The following ROBO1 variants were observed in gnomAD, a reference collection of about 807,000 sequenced individuals.
The protein encoded by ROBO1 is roundabout guidance receptor 1, also known as roundabout homolog 1.
A neutral mutation model predicts 195.9 loss-of-function variants in ROBO1; 149 were observed. That is an observed-to-expected ratio of 0.76 (90% CI 0.67 to 0.87). ROBO1 has a LOEUF of 0.87. ROBO1 is among the 40% of genes least tolerant of loss of function. The pLI is 0.00. For synonymous variants in ROBO1, 816 were observed against 733.2 expected, an observed-to-expected ratio of 1.11 and a Z score of -1.82; for missense variants, 1,933 against 2,068.3, an observed-to-expected ratio of 0.93 and a Z score of 1.27.
chr3:78,641,392 AG>A (rs1705942569), intron 21 of ROBO1, among the ~76,000 whole-genome samples: 1 of 152,198 alleles, frequency 6.6e-6, no homozygotes, highest in Non-Finnish European at 1.5e-5. Context: ...TCTTAATGAA[AG>A]GAAGAGTGGA....
chr3:78,599,049 T>A (rs1703009794), intron 30 of ROBO1, 122 bp from the exon 31 acceptor site: 8 of 524,416 alleles, frequency 1.5e-5, no homozygotes, highest in Non-Finnish European at 2.2e-5. Flanking sequence ...CAATGGACTA[T>A]GTTGGAAAGG....
intron 2 of ROBO1, among the ~76,000 whole-genome samples, chr3:79,256,688 T>C (rs897867268): frequency 6.6e-6 from 1 of 152,156 alleles, no homozygotes; most frequent in Admixed American, 6.6e-5. Context: ...TTTAAAGTTA[T>C]GAAGTACTTT....
intron 3 of ROBO1, among the ~76,000 whole-genome samples, chr3:79,054,802 G>C (rs1157420636): frequency 1.3e-5 from 2 of 152,112 alleles, no homozygotes; most frequent in African/African-American, 4.8e-5. Context: ...ACAGAACCAG[G>C]GAAATGGGAA....
chr3:79,727,566 C>A lies in ROBO1; in HGVS notation c.-51+40186G>T, dbSNP rs182555430. Among the ~76,000 whole-genome samples, 401 of 152,162 alleles carry A rather than the reference C, an allele frequency of 2.6e-3. 1 individual carries two copies. The highest frequency in any genetic ancestry group is 0.014 in the Middle Eastern group (4 of 292). On this transcript the variant is annotated intron_variant, in intron 1 of 30. Coordinates refer to ENST00000464233, the MANE Select transcript of ROBO1 (RefSeq NM_002941.4). ...TAAATACCCACTTTGTGAATTGAAA[C>A]CATGAGTGTTTCTATGTCTGTGTTG...
chr3:78,916,476 T>C (rs1200188192), intron 4 of ROBO1, among the ~76,000 whole-genome samples: 1 of 140,054 alleles, frequency 7.1e-6, no homozygotes. Flanking sequence ...TGCTTGAACC[T>C]GGGAGGCGGA....
At chr3:79,303,186 A>C (rs1339587286) in intron 2 of ROBO1, among the ~76,000 whole-genome samples, 1 of 85,596 alleles carries the variant, frequency 1.2e-5, no homozygotes, top group African/African-American at 4.5e-5. Flanking sequence ...TTTTTTTTGG[A>C]GATGGAGTCT....
intron 3 of ROBO1, among the ~76,000 whole-genome samples, chr3:79,016,726 C>A (rs1386228311): frequency 6.6e-6 from 1 of 152,058 alleles, no homozygotes; most frequent in Admixed American, 6.6e-5. Context: ...ACCATTAATC[C>A]CCCTATCTTC....
intron 2 of ROBO1, among the ~76,000 whole-genome samples, chr3:79,545,813 T>A (rs1031950743): frequency 7.2e-5 from 11 of 152,176 alleles, no homozygotes; most frequent in Non-Finnish European, 1.6e-4. Context: ...CAGAGTCTGG[T>A]AATAAAGTCT....
intron 4 of ROBO1, among the ~76,000 whole-genome samples, chr3:78,880,270 C>T (rs540047069): frequency 6.6e-6 from 1 of 152,254 alleles, no homozygotes; most frequent in East Asian, 1.9e-4. Flanking sequence ...AGAAGATTGA[C>T]TCCTACACAG....
intron 3 of ROBO1, among the ~76,000 whole-genome samples, chr3:78,953,383 T>A (rs1330658883): frequency 6.6e-6 from 1 of 152,032 alleles, no homozygotes; most frequent in Non-Finnish European, 1.5e-5. Context: ...TATTTGCATG[T>A]GTTAAAGTCC....
chr3:78,995,804 A>T (rs1441278154), intron 3 of ROBO1, among the ~76,000 whole-genome samples: 1 of 151,610 alleles, frequency 6.6e-6, no homozygotes, highest in Non-Finnish European at 1.5e-5. Flanking sequence ...AAAAAGTAAT[A>T]AAAAAAAGTC....
At position 79,519,024 on chromosome 3, in the gene ROBO1, C is replaced by T. The variant is rs1941078741; in HGVS notation, c.88+70800G>A. Among the ~76,000 whole-genome samples the T allele has an allele frequency of 4.6e-5, 7 of 152,148 alleles. No individual in the cohort carries two copies. The South Asian group carries it at 1.5e-3, about 32-fold the overall frequency. ...CTGTTTCTTAACAGCATGCATTTGTCATTCATTTTACATGGTGGCCAGTTA... is the reference window on the plus strand; with the variant it reads ...CTGTTTCTTAACAGCATGCATTTGTTATTCATTTTACATGGTGGCCAGTTA... On this transcript the variant is annotated intron_variant, in intron 2 of 30. Transcript: ENST00000464233.
chr3:79,332,712 T>A (rs2034496799), intron 2 of ROBO1, among the ~76,000 whole-genome samples: 1 of 152,206 alleles, frequency 6.6e-6, no homozygotes, highest in Admixed American at 6.5e-5. Context: ...CCATATTTAC[T>A]GCATCACTCA....
In ROBO1 at chr3:78,651,814, G is replaced by C. The variant is rs1007341959; in HGVS notation, c.2730C>G (p.Ile910Met). ...IAGIGAACWI[I>M]LMVFSIWLYR... ...AAAGCCAGATGCTGAAGACCATGAG[G>C]ATGATCCAACAGGCTGCTCCAATAC... Residue 910 changes from isoleucine (I) to methionine (M), a missense_variant, in exon 19 of 31, where the codon ATC becomes ATG. Ile to Met is a conservative substitution (Grantham distance 10). This residue lies in a region of ROBO1 where 1,737 missense variants were observed against 1,882.5 expected (regional missense o/e 0.92). Coordinates refer to ENST00000464233, the MANE Select transcript of ROBO1 (RefSeq NM_002941.4). 8.1e-6 allele frequency: 13 copies of C among 1,613,736 alleles called. No individual in the cohort carries two copies. Among genetic ancestry groups the C allele is most frequent in the Non-Finnish European group, 1.1e-5 (13 of 1,179,730 alleles).
intron 10 of ROBO1, among the ~76,000 whole-genome samples, chr3:78,679,710 T>C (rs2080841724): frequency 6.6e-6 from 1 of 152,214 alleles, no homozygotes; most frequent in Non-Finnish European, 1.5e-5. Flanking sequence ...GAACGTTCCA[T>C]GCTCATGGGT....
chr3:79,320,439 C>A (rs1370613373), intron 2 of ROBO1, among the ~76,000 whole-genome samples: 3 of 152,158 alleles, frequency 2.0e-5, no homozygotes, highest in Non-Finnish European at 4.4e-5. Flanking sequence ...AGTCATCCTC[C>A]CACCTCAGCC....
At chr3:79,213,136 C>A (rs1036970139) in intron 2 of ROBO1, among the ~76,000 whole-genome samples, 1 of 151,676 alleles carries the variant, frequency 6.6e-6, no homozygotes, top group Non-Finnish European at 1.5e-5. Flanking sequence ...CCCAGCTACA[C>A]TGGAGGCTGA....
At chr3:79,395,314 T>A (rs1324461197) in intron 2 of ROBO1, among the ~76,000 whole-genome samples, 1 of 94,020 alleles carries the variant, frequency 1.1e-5, no homozygotes, top group East Asian at 2.9e-4. Context: ...AGAGCAAGAC[T>A]CCGTCTCAAA....
intron 8 of ROBO1, among the ~76,000 whole-genome samples, chr3:78,707,681 T>C (rs2081585993): frequency 1.3e-5 from 2 of 152,146 alleles, no homozygotes; most frequent in African/African-American, 4.8e-5. Context: ...TAACAGAGCA[T>C]CACCTGGTTT....
Sources: gnomAD v4.1 joint callset for allele counts (sites outside exome capture counted in the v4.1 genomes callset) on GRCh38, gnomAD v4.1.1 for gene constraint, gnomAD v4.1.1 regional missense constraint, MANE v1.5 for transcripts, NCBI Gene and HGNC (gene_info 2026-07-23, HGNC 2026-07-21) for gene names.